RIC8B: variants seen among roughly 807,000 people sequenced by gnomAD.
RIC8B encodes the protein RIC8 guanine nucleotide exchange factor B, also known as chaperone Ric-8B.
In RIC8B, 16 loss-of-function variants were observed where a neutral mutation model predicts 57.5. The observed-to-expected ratio is 0.28, with a 90% CI of 0.19 to 0.42. RIC8B has a LOEUF of 0.42. Among genes scored for constraint, RIC8B ranks in the 10% least tolerant of loss-of-function variants. The pLI is 1.00. For synonymous variants in RIC8B, 216 were observed against 250.8 expected, an observed-to-expected ratio of 0.86 and a Z score of 1.31; for missense variants, 481 against 677.0, an observed-to-expected ratio of 0.71 and a Z score of 3.21.
intron 6 of RIC8B, among the ~76,000 whole-genome samples, chr12:106,850,937 A>G (rs999479051): frequency 6.6e-6 from 1 of 152,158 alleles, no homozygotes; most frequent in Non-Finnish European, 1.5e-5. Flanking sequence ...ATCCAGATGT[A>G]TGTATAACAC....
intron 4 of RIC8B, among the ~76,000 whole-genome samples, chr12:106,830,916 A>C (rs2046327264): frequency 1.3e-5 from 2 of 152,188 alleles, no homozygotes; most frequent in South Asian, 4.1e-4. Context: ...TTAATTATTC[A>C]AATAATAATT....
At chr12:106,881,912 A>G (rs1391171208) in intron 9 of RIC8B, among the ~76,000 whole-genome samples, 1 of 152,280 alleles carries the variant, frequency 6.6e-6, no homozygotes, top group East Asian at 1.9e-4. Flanking sequence ...AGGACAAGAA[A>G]TCTCCTTTAA....
chr12:106,838,151 A>G (rs12319325), intron 4 of RIC8B, among the ~76,000 whole-genome samples: 16,959 of 152,192 alleles, frequency 0.11, 1,096 homozygotes, highest in Middle Eastern at 0.16. Context: ...TGACCAAAAG[A>G]ACAAAAGAAA....
At chr12:106,828,408 C>CTG (rs554106825) in intron 4 of RIC8B, among the ~76,000 whole-genome samples, 104 of 152,228 alleles carry the variant, frequency 6.8e-4, no homozygotes, top group Non-Finnish European at 1.2e-3. Context: ...CAATTTTTCT[C>CTG]TGTGTGTGTG....
rs554660056 is a variant in RIC8B, at chr12:106,810,352, G to A, written c.133-4344G>A. 5.3e-5 allele frequency among the ~76,000 whole-genome samples: 8 copies of A among 151,282 alleles called. No individual in the cohort carries two copies. In the South Asian group the frequency reaches 8.3e-4, roughly 16 times the overall value. On this transcript the variant is annotated intron_variant, in intron 2 of 9. Coordinates refer to ENST00000392837, the MANE Select transcript of RIC8B (RefSeq NM_001330145.2). ...GTGGCAAACCCAGGTATTAAACTCC[G>A]GTCTTTGATTTAAAAGCCACTACAA... is the stretch of plus-strand genomic sequence containing the variant.
At chr12:106,834,221 G>A (rs1281708993) in intron 4 of RIC8B, among the ~76,000 whole-genome samples, 2 of 152,084 alleles carry the variant, frequency 1.3e-5, no homozygotes, top group African/African-American at 2.4e-5. Context: ...CTAGTTTCTT[G>A]TCAGATCTGT....
chr12:106,804,322 C>G (rs1439319611), intron 2 of RIC8B, among the ~76,000 whole-genome samples: 2 of 151,696 alleles, frequency 1.3e-5, no homozygotes. Flanking sequence ...CCAAGCGATT[C>G]TCCTGCCCCA....
intron 2 of RIC8B, among the ~76,000 whole-genome samples, chr12:106,788,701 G>A (rs538503526): frequency 1.3e-5 from 2 of 152,282 alleles, no homozygotes; most frequent in Admixed American, 1.3e-4. Context: ...AATGGCTGGA[G>A]CATCTGGGAC....
At chr12:106,779,192 C>T (rs993020227) in intron 1 of RIC8B, among the ~76,000 whole-genome samples, 13 of 151,420 alleles carry the variant, frequency 8.6e-5, no homozygotes, top group Non-Finnish European at 1.8e-4. Context: ...GGATTATAGG[C>T]GTGAGCCACT....
intron 5 of RIC8B, 102 bp downstream of exon 5, chr12:106,842,919 C>CT (rs1949022392): frequency 2.9e-6 from 2 of 693,384 alleles, no homozygotes; most frequent in South Asian, 4.5e-5. Flanking sequence ...TAAATCTAAG[C>CT]TTTTTTTCTG....
chr12:106,781,655 A>G (rs1013356404), intron 1 of RIC8B, among the ~76,000 whole-genome samples: 3 of 152,210 alleles, frequency 2.0e-5, no homozygotes, highest in African/African-American at 7.2e-5. Context: ...AATTCTACAG[A>G]GGAACTGTTT....
chr12:106,887,235 C>A lies in RIC8B; in HGVS notation c.*1220C>A, dbSNP rs1951220163. 1 of 152,456 alleles carries A rather than the reference C, an allele frequency of 6.6e-6. No homozygotes were observed. The highest frequency in any genetic ancestry group is 1.5e-5 in the Non-Finnish European group (1 of 68,024). The allele number at this position is 152,456 out of a possible 1,614,324, so 9.4% of individuals were successfully genotyped here. ...ATACATATATACATAATGTGCTTAA[C>A]CACTGCCTTTTAAAACTTTAAATTA... On this transcript the variant is annotated 3_prime_UTR_variant, in exon 10 of 10. Transcript: ENST00000392837.
chr12:106,837,273 A>G (rs540764008), intron 4 of RIC8B, among the ~76,000 whole-genome samples: 1 of 152,240 alleles, frequency 6.6e-6, no homozygotes, highest in South Asian at 2.1e-4. Context: ...GAGGCAGGAG[A>G]ATCGCTTGAA....
chr12:106,839,248 A>G (rs1049165478), intron 4 of RIC8B, among the ~76,000 whole-genome samples: 2 of 152,220 alleles, frequency 1.3e-5, no homozygotes, highest in African/African-American at 4.8e-5. Context: ...ACTGTTCACA[A>G]TAGCCAAGAT....
intron 4 of RIC8B, among the ~76,000 whole-genome samples, chr12:106,840,548 C>T (rs1948899892): frequency 6.6e-6 from 1 of 152,130 alleles, no homozygotes. Flanking sequence ...AGAGAAGTGA[C>T]AGAGCTCAAA....
rs544900821 is a variant in RIC8B, at chr12:106,838,813, A to AATT, written c.837-3775_837-3774insTTA. ...AGGTTAATATCTAAAACCTATTAAA[A>AATT]AACTCTTAATAGCCAAAAAAAAAAC... is the stretch of plus-strand genomic sequence containing the variant. On this transcript the variant is annotated intron_variant, in intron 4 of 9. Transcript: ENST00000392837. 5.5e-3 allele frequency among the ~76,000 whole-genome samples: 832 copies of AATT among 151,696 alleles called. 6 individuals carry two copies. The highest frequency in any genetic ancestry group is 0.02 in the African/African-American group (807 of 41,126).
chr12:106,817,843 A>AG, intron 3 of RIC8B, among the ~76,000 whole-genome samples: 1 of 150,890 alleles, frequency 6.6e-6, no homozygotes. Context: ...AAAAAAAAAA[A>AG]TCTCTCACCA....
chr12:106,829,890 G>A (rs967999261), intron 4 of RIC8B, among the ~76,000 whole-genome samples: 3 of 152,174 alleles, frequency 2.0e-5, no homozygotes, highest in African/African-American at 7.2e-5. Context: ...GGATCATTGT[G>A]CAAGTATTTA....
At chr12:106,803,693 A>G (rs901411667) in intron 2 of RIC8B, among the ~76,000 whole-genome samples, 26 of 152,196 alleles carry the variant, frequency 1.7e-4, no homozygotes, top group Admixed American at 6.6e-5. Flanking sequence ...AGTTTCACCA[A>G]CTCATAGTAA....
Sources: gnomAD v4.1 joint callset for allele counts (sites outside exome capture counted in the v4.1 genomes callset) on GRCh38, gnomAD v4.1.1 for gene constraint, MANE v1.5 for transcripts, NCBI Gene and HGNC (gene_info 2026-07-23, HGNC 2026-07-21) for gene names.